C8orf34: variants seen among roughly 807,000 people sequenced by gnomAD.
C8orf34 encodes the protein uncharacterized protein C8orf34.
In C8orf34, 65 loss-of-function variants were observed where a neutral mutation model predicts 68.3. The ratio of observed to expected loss-of-function variants is 0.95; its 90% confidence interval spans 0.78 to 1.17. The LOEUF (loss-of-function observed/expected upper bound fraction) is 1.17. C8orf34 is among the 50% of genes most tolerant of loss of function. The probability of loss-of-function intolerance (pLI) is 0.00; values close to 1 mark genes in which losing one functional copy is unlikely to be tolerated. For synonymous variants in C8orf34, 244 were observed against 241.2 expected (o/e 1.01, Z -0.11); for missense variants, 664 against 655.4 (o/e 1.01, Z -0.14).
In C8orf34 at chr8:68,765,609, T is replaced by G. The variant is rs112579937; in HGVS notation, c.1405-10790T>G. 1.9e-3 allele frequency among the ~76,000 whole-genome samples: 283 copies of G among 152,310 alleles called. 3 individuals are homozygous for G. Among genetic ancestry groups the G allele is most frequent in the African/African-American group, 6.6e-3 (276 of 41,560 alleles). On this transcript the variant is annotated intron_variant, in intron 10 of 13. Transcript: ENST00000518698. ...TATATATTTGGAGGTCACTTCTTTT[T>G]CTTAGACGATTGGTTATGCTTCTAC...
chr8:68,366,659 A>G (rs952282657), intron 1 of C8orf34, among the ~76,000 whole-genome samples: 5 of 149,962 alleles, frequency 3.3e-5, no homozygotes, highest in African/African-American at 1.2e-4. Flanking sequence ...AGGATTCCCT[A>G]TTTAATAAAT....
At chr8:68,356,069 T>G (rs1420375223) in intron 1 of C8orf34, among the ~76,000 whole-genome samples, 1 of 152,180 alleles carries the variant, frequency 6.6e-6, no homozygotes, top group Non-Finnish European at 1.5e-5. Flanking sequence ...AAATTGCTTG[T>G]ATCTTCATGA....
rs186947146 is a variant in C8orf34, at chr8:68,527,716, C to G, written c.939-5267C>G. ...ATTTAAATCCTTTGCTCTACAGTCTCTCTTCAGAAAGCTGTTCTAAGAATC... is the reference window on the plus strand; with the variant it reads ...ATTTAAATCCTTTGCTCTACAGTCTGTCTTCAGAAAGCTGTTCTAAGAATC... On this transcript the variant is annotated intron_variant, in intron 6 of 13. Coordinates refer to ENST00000518698, the MANE Select transcript of C8orf34 (RefSeq NM_052958.4). 4.6e-4 allele frequency among the ~76,000 whole-genome samples: 70 copies of G among 152,346 alleles called. 1 individual carries two copies. The highest frequency in any genetic ancestry group is 1.3e-3 in the African/African-American group (55 of 41,588).
At chr8:68,667,756 CT>C (rs562295084) in intron 8 of C8orf34, among the ~76,000 whole-genome samples, 7 of 152,068 alleles carry the variant, frequency 4.6e-5, no homozygotes, top group Non-Finnish European at 1.0e-4. Context: ...TGAATAGATA[CT>C]TGTATTTAAG....
At chr8:68,452,107 T>C (rs1811370048) in intron 3 of C8orf34, among the ~76,000 whole-genome samples, 1 of 151,982 alleles carries the variant, frequency 6.6e-6, no homozygotes, top group African/African-American at 2.4e-5. Context: ...ATTTTGTTTA[T>C]CCATTCATCT....
intron 3 of C8orf34, among the ~76,000 whole-genome samples, chr8:68,463,037 C>T (rs1396327063): frequency 2.0e-5 from 3 of 151,910 alleles, no homozygotes; most frequent in Non-Finnish European, 2.9e-5. Flanking sequence ...AATTGATAGA[C>T]CGCTAGCAAG....
At position 68,472,423 on chromosome 8, in the gene C8orf34, G is replaced by A. The variant is rs73264450; in HGVS notation, c.736+3603G>A. Among the ~76,000 whole-genome samples, 1,456 of 152,178 alleles carry A rather than the reference G, an allele frequency of 9.6e-3. 25 individuals carry two copies. The highest frequency in any genetic ancestry group is 0.032 in the African/African-American group (1,331 of 41,510). ...AAAGGGCACACCTGATTAGGTCAGA[G>A]CCATATAGAGTAATCCCCATTCTGA... On this transcript the variant is annotated intron_variant, in intron 4 of 13. Coordinates refer to ENST00000518698, the MANE Select transcript of C8orf34 (RefSeq NM_052958.4).
At chr8:68,788,608 C>A (rs1188525438) in intron 12 of C8orf34, among the ~76,000 whole-genome samples, 3 of 152,200 alleles carry the variant, frequency 2.0e-5, no homozygotes, top group Non-Finnish European at 4.4e-5. Flanking sequence ...CCCCTGTAAT[C>A]CCAGCATTTT....
chr8:68,732,371 C>T (rs1346918634), intron 10 of C8orf34, among the ~76,000 whole-genome samples: 4 of 152,054 alleles, frequency 2.6e-5, no homozygotes, highest in African/African-American at 7.2e-5. Flanking sequence ...TCCTGGTTTA[C>T]CAGTGAATTT....
chr8:68,671,591 A>G (rs771319321), intron 8 of C8orf34, among the ~76,000 whole-genome samples: 23 of 152,200 alleles, frequency 1.5e-4, no homozygotes, highest in Non-Finnish European at 3.1e-4. Context: ...CCCACATTGC[A>G]ATTGTCAGCA....
chr8:68,495,475 T>C (rs959797147), intron 5 of C8orf34, among the ~76,000 whole-genome samples: 1 of 152,174 alleles, frequency 6.6e-6, no homozygotes, highest in African/African-American at 2.4e-5. Flanking sequence ...TCTTGGGAAA[T>C]AGGGAGTATT....
chr8:68,700,677 A>G (rs1342170980), intron 8 of C8orf34, among the ~76,000 whole-genome samples: 1 of 152,036 alleles, frequency 6.6e-6, no homozygotes. Context: ...GATCATGCAA[A>G]TACAAGTGGT....
chr8:68,425,570 A>G (rs1420977685), intron 1 of C8orf34, among the ~76,000 whole-genome samples: 1 of 152,198 alleles, frequency 6.6e-6, no homozygotes, highest in Non-Finnish European at 1.5e-5. Flanking sequence ...CTTTACGATG[A>G]AAAGTACAAA....
At chr8:68,806,979 G>T (rs1023103420) in intron 12 of C8orf34, among the ~76,000 whole-genome samples, 1 of 152,166 alleles carries the variant, frequency 6.6e-6, no homozygotes, top group Non-Finnish European at 1.5e-5. Flanking sequence ...GTGAATTGGT[G>T]GTTACTGTTG....
intron 7 of C8orf34, among the ~76,000 whole-genome samples, chr8:68,589,746 AGAG>A (rs1817323348): frequency 6.8e-6 from 1 of 146,776 alleles, no homozygotes; most frequent in Non-Finnish European, 1.5e-5. Flanking sequence ...AAGGGAGAGA[AGAG>A]GAAAGGAAGG....
intron 7 of C8orf34, among the ~76,000 whole-genome samples, chr8:68,548,401 TAAAC>T (rs1815956609): frequency 1.3e-5 from 2 of 151,680 alleles, no homozygotes; most frequent in African/African-American, 4.8e-5. Flanking sequence ...TCAAAAGAGA[TAAAC>T]AAATGGGAAA....
intron 8 of C8orf34, among the ~76,000 whole-genome samples, chr8:68,684,395 C>T (rs1177766639): frequency 6.6e-6 from 1 of 152,048 alleles, no homozygotes; most frequent in Admixed American, 6.6e-5. Context: ...ATTTAGGAGC[C>T]AGTTTGGATG....
chr8:68,667,118 G>T (rs746054291), intron 8 of C8orf34, among the ~76,000 whole-genome samples: 1 of 151,970 alleles, frequency 6.6e-6, no homozygotes, highest in African/African-American at 2.4e-5. Flanking sequence ...TGCAAATAAA[G>T]AAAATTAAAG....
chr8:68,717,471 C>T (rs987258707), intron 9 of C8orf34, among the ~76,000 whole-genome samples: 2 of 145,502 alleles, frequency 1.4e-5, no homozygotes, highest in Non-Finnish European at 1.5e-5. Flanking sequence ...ACAGCCTGGG[C>T]GACAGAGCGA....
Sources: gnomAD v4.1 joint callset for allele counts (sites outside exome capture counted in the v4.1 genomes callset) on GRCh38, gnomAD v4.1.1 for gene constraint, MANE v1.5 for transcripts, NCBI Gene and HGNC (gene_info 2026-07-23, HGNC 2026-07-21) for gene names.